The following EXOSC5 variants were observed in gnomAD, a reference collection of about 807,000 sequenced individuals.
The protein encoded by EXOSC5 is exosome component 5.
Under a neutral mutation model 23.7 loss-of-function variants are expected in EXOSC5, and 15 were observed. That is an observed-to-expected ratio of 0.63 (90% confidence interval 0.42 to 0.97). The LOEUF is 0.97. Among genes scored for constraint, EXOSC5 ranks in the 50% least tolerant of loss-of-function variants. EXOSC5 has a pLI of 0.00. For missense variants in EXOSC5, 305 were observed against 316.3 expected (o/e 0.96, Z 0.27); for synonymous variants, 143 against 140.9 (o/e 1.02, Z -0.11).
At position 41,386,729 on chromosome 19, in the gene EXOSC5, C is replaced by CG; in HGVS notation, c.616-5dup. 6 of 1,582,332 alleles carry CG rather than the reference C, an allele frequency of 3.8e-6. No homozygotes were observed. Among genetic ancestry groups the CG allele is most frequent in the Non-Finnish European group, 4.3e-6 (5 of 1,167,032 alleles). ...CCGCAGCCAGGCACTGCTGGAGCTG[C>CG]GGGGGAGAGACTGGTCGGTGCTGGG... On this transcript the variant is annotated splice_region_variant and splice_polypyrimidine_tract_variant and intron_variant, in intron 5 of 5. Coordinates refer to ENST00000221233, the MANE Select transcript of EXOSC5 (RefSeq NM_020158.4).
intron 5 of EXOSC5, 63 bp from the exon 6 acceptor site, chr19:41,386,788 A>T: frequency 6.8e-7 from 1 of 1,472,532 alleles, no homozygotes; most frequent in Non-Finnish European, 9.2e-7. Context: ...GACTTGGCTG[A>T]CCCAGGAGGT....
chr19:41,397,286 T>A lies in EXOSC5; in HGVS notation c.43A>T (p.Asn15Tyr). 6.2e-7 allele frequency: 1 copy of A among 1,613,986 alleles called. No individual in the cohort carries two copies. The highest frequency in any genetic ancestry group is 8.5e-7 in the Non-Finnish European group (1 of 1,179,864). ...THTDAKIRAE[N>Y]GTGSSPRGPG... Reference sequence around the variant, plus strand: ...CCCCGAGGGCTGGACCCTGTTCCATTTTCAGCACGGATTTTGGCGTCAGTA... The same window carrying A: ...CCCCGAGGGCTGGACCCTGTTCCATATTCAGCACGGATTTTGGCGTCAGTA... The change falls in exon 1 of 6, where the codon AAT (asparagine) becomes TAT (tyrosine). Residue 15 changes from asparagine to tyrosine, a missense_variant. Coordinates refer to ENST00000221233, the MANE Select transcript of EXOSC5 (RefSeq NM_020158.4).
chr19:41,397,216 A>G lies in EXOSC5; in HGVS notation c.113T>C (p.Leu38Pro), dbSNP rs2039077030. The change falls in exon 1 of 6, where the codon CTG becomes CCG. Residue 38 changes from leucine (L) to proline (P), a missense_variant. Leu to Pro is a moderately conservative substitution (Grantham distance 98). Transcript: ENST00000221233. ...GGAAGCAGAGCCATCTGGCCGCGAC[A>G]GCAGGTTCTGTTCGCAGGCAAAGTG... ...LRHFACEQNL[L>P]SRPDGSASFL... The G allele has an allele frequency of 1.9e-6, 3 of 1,614,232 alleles. No homozygotes were observed. Among genetic ancestry groups the G allele is most frequent in the Non-Finnish European group, 2.5e-6 (3 of 1,180,008 alleles).
Position 41,389,904 on chromosome 19 carries a change from A to G in EXOSC5, c.386T>C (p.Leu129Pro). Residue 129 changes from leucine to proline, a missense_variant and splice_region_variant, in exon 4 of 6, where the codon CTC becomes CCC. Leu to Pro is a moderately conservative substitution (Grantham distance 98). Coordinates refer to ENST00000221233, the MANE Select transcript of EXOSC5 (RefSeq NM_020158.4). ...VLQVVSDAGS[L>P]LACCLNAACM... ...GGCGGCATTCAGACAACAGGCCAGG[A>G]GCTGAGCACCACAGGAAATGGTTAA... The G allele has an allele frequency of 6.3e-7, 1 of 1,589,002 alleles. No individual in the cohort carries two copies. The highest frequency in any genetic ancestry group is 1.2e-5 in the South Asian group (1 of 86,588).
At position 41,391,973 on chromosome 19, in the gene EXOSC5, T is replaced by C. The variant is rs1180027242; in HGVS notation, c.263-11A>G. 1.3e-6 allele frequency: 2 copies of C among 1,582,464 alleles called. No individual in the cohort carries two copies. The highest frequency in any genetic ancestry group is 2.8e-5 in the African/African-American group (2 of 72,624). On this transcript the variant is annotated splice_polypyrimidine_tract_variant and intron_variant, in intron 2 of 5. Coordinates refer to ENST00000221233, the MANE Select transcript of EXOSC5 (RefSeq NM_020158.4). ...TCTTCTCTGCAACACCTGGGGAAAT[T>C]GAAGAGAGGTTCAGGGTCTTCCCCT...
chr19:41,394,990 C>T (rs1239917899), intron 1 of EXOSC5, among the ~76,000 whole-genome samples: 2 of 149,178 alleles, frequency 1.3e-5, no homozygotes, highest in African/African-American at 2.5e-5. Context: ...GCCACGATCA[C>T]TTCACTGCAC....
In EXOSC5 at chr19:41,389,892, C is replaced by G. The variant is rs986364750; in HGVS notation, c.398G>C (p.Cys133Ser). 12 of 1,608,802 alleles carry G rather than the reference C, an allele frequency of 7.5e-6. No homozygotes were observed. Among genetic ancestry groups the G allele is most frequent in the Non-Finnish European group, 1.0e-5 (12 of 1,178,186 alleles). ...VSDAGSLLAC[C>S]LNAACMALVD... ...CAATGCCATGCAGGCGGCATTCAGA[C>G]AACAGGCCAGGAGCTGAGCACCACA... Residue 133 changes from cysteine to serine, a missense_variant, in exon 4 of 6, where the codon TGT becomes TCT. Physicochemically the swap from Cys to Ser is moderately radical, Grantham distance 112 (BLOSUM62 -1). Transcript: ENST00000221233.
rs773520721 is a variant in EXOSC5 at position 41,386,665 on chromosome 19, C to T, written c.676G>A (p.Glu226Lys). The change falls in exon 6 of 6, where the codon GAA becomes AAA. Residue 226 changes from glutamate to lysine, a missense_variant. Transcript: ENST00000221233. The stretch of plus-strand genomic sequence containing the variant: ...TTGGAGTAACGCCTCTGCAGCGATT[C>T]CCGGTAGAAACGGAAGACGTGTTGC... ...ASQHVFRFYRESLQRRYSKS is the reference protein window; with the variant it reads ...ASQHVFRFYRKSLQRRYSKS 1.9e-6 allele frequency: 3 copies of T among 1,601,636 alleles called. No individual in the cohort carries two copies. The highest frequency in any genetic ancestry group is 2.6e-6 in the Non-Finnish European group (3 of 1,174,376).
In EXOSC5 at chr19:41,392,967, G is replaced by A. The variant is rs2039035246; in HGVS notation, c.162C>T (p.Val54=). 3 of 1,613,146 alleles carry A rather than the reference G, an allele frequency of 1.9e-6. No individual in the cohort carries two copies. Among genetic ancestry groups the A allele is most frequent in the Non-Finnish European group, 2.5e-6 (3 of 1,179,970 alleles). The change falls in exon 2 of 6, where the codon GTC becomes GTT. Residue 54 remains valine (V), a synonymous_variant. Transcript: ENST00000221233. The stretch of plus-strand genomic sequence containing the variant: ...CGGCCGGCCCGTACACACCCGCCAG[G>A]ACAGAGGTGTCACCTGAGGAGACAG... ...SASFLQGDTS[V]LAGVYGPAEV...
intron 1 of EXOSC5, among the ~76,000 whole-genome samples, chr19:41,396,958 C>T (rs1251744268): frequency 3.3e-5 from 5 of 152,050 alleles, no homozygotes; most frequent in Non-Finnish European, 7.4e-5. Flanking sequence ...TGCCCCTCCT[C>T]TCATTCTCAG....
chr19:41,395,166 A>G (rs2039052978), intron 1 of EXOSC5, among the ~76,000 whole-genome samples: 1 of 152,164 alleles, frequency 6.6e-6, no homozygotes, highest in Non-Finnish European at 1.5e-5. Flanking sequence ...TAGGTATCTC[A>G]ATTCAGCATA....
chr19:41,397,316 T>A lies in EXOSC5; in HGVS notation c.13A>T (p.Thr5Ser), dbSNP rs1007914607. The change falls in exon 1 of 6, where the codon ACG (threonine) becomes TCG (serine). Residue 5 changes from threonine to serine, a missense_variant. Physicochemically the swap from Thr to Ser is moderately conservative, Grantham distance 58. Transcript: ENST00000221233. MEEE[T>S]HTDAKIRAEN... is the part of the protein sequence containing the mutation. Reference sequence around the variant, plus strand: ...GCACGGATTTTGGCGTCAGTATGCGTCTCCTCCTCCATCGCGCCGAGCCCA... The same window carrying A: ...GCACGGATTTTGGCGTCAGTATGCGACTCCTCCTCCATCGCGCCGAGCCCA... The A allele has an allele frequency of 1.9e-6, 3 of 1,612,722 alleles. No homozygotes were observed. Among genetic ancestry groups the A allele is most frequent in the Non-Finnish European group, 2.5e-6 (3 of 1,179,068 alleles).
chr19:41,392,891 G>C lies in EXOSC5; in HGVS notation c.238C>G (p.Leu80Val). ...CCAGGCAGCCCAATCTTCGGCCTCA[G>C]GATCACTTCGAGTGTGGCCTTGTTG... Reference protein sequence around the residue: ...IFNKATLEVILRPKIGLPGVA... With the variant: ...IFNKATLEVIVRPKIGLPGVA... Residue 80 changes from leucine (L) to valine (V), a missense_variant, in exon 2 of 6, where the codon CTG (leucine) becomes GTG (valine). By Grantham distance (32) the Leu-to-Val change is conservative (BLOSUM62 1). Transcript: ENST00000221233. 6.2e-7 allele frequency: 1 copy of C among 1,613,936 alleles called. No homozygotes were observed. Among genetic ancestry groups the C allele is most frequent in the African/African-American group, 1.3e-5 (1 of 75,032 alleles).
rs1209180076 is a variant in EXOSC5, at chr19:41,386,520, C to G, written c.*113G>C. 1 of 1,044,786 alleles carries G rather than the reference C, an allele frequency of 9.6e-7. No homozygotes were observed. The highest frequency in any genetic ancestry group is 1.6e-5 in the African/African-American group (1 of 62,934). The allele number at this position is 1,044,786 out of a possible 1,614,324, so 64.7% of individuals were successfully genotyped here. ...CAGGAGCCCTGTGGTTACAGAGCTG[C>G]AGGCTCAAGGAGCCCATGGGTCAGA... On this transcript the variant is annotated 3_prime_UTR_variant, in exon 6 of 6. Transcript: ENST00000221233.
At chr19:41,396,938 G>C (rs1429957680) in intron 1 of EXOSC5, among the ~76,000 whole-genome samples, 2 of 152,046 alleles carry the variant, frequency 1.3e-5, no homozygotes, top group Non-Finnish European at 2.9e-5. Flanking sequence ...CAATTCTTGG[G>C]CGGACAGTCT....
intron 4 of EXOSC5, among the ~76,000 whole-genome samples, chr19:41,389,499 A>T (rs182182941): frequency 1.4e-4 from 22 of 152,274 alleles, no homozygotes; most frequent in Non-Finnish European, 2.6e-4. Context: ...TCCCGACCTC[A>T]GGTGATCCAC....
In EXOSC5 at chr19:41,397,284, A is replaced by G; in HGVS notation, c.45T>C (p.Asn15=). Residue 15 remains asparagine, a synonymous_variant, in exon 1 of 6, where the codon AAT becomes AAC. Coordinates refer to ENST00000221233, the MANE Select transcript of EXOSC5 (RefSeq NM_020158.4). The stretch of plus-strand genomic sequence containing the variant: ...GACCCCGAGGGCTGGACCCTGTTCC[A>G]TTTTCAGCACGGATTTTGGCGTCAG... The part of the protein sequence containing the change: ...THTDAKIRAE[N]GTGSSPRGPG... The G allele has an allele frequency of 6.2e-7, 1 of 1,613,890 alleles. No homozygotes were observed. Among genetic ancestry groups the G allele is most frequent in the South Asian group, 1.1e-5 (1 of 91,060 alleles).
chr19:41,388,448 G>A (rs2039000367), intron 4 of EXOSC5, among the ~76,000 whole-genome samples: 1 of 152,198 alleles, frequency 6.6e-6, no homozygotes, highest in African/African-American at 2.4e-5. Flanking sequence ...GAGGTGGGGT[G>A]GGTTCTGGAC....
intron 1 of EXOSC5, among the ~76,000 whole-genome samples, chr19:41,395,048 A>AAAAAAAAAAAAG (rs1568498077): frequency 4.6e-5 from 1 of 21,862 alleles, no homozygotes; most frequent in East Asian, 5.9e-4. Context: ...AAAAAAAAAG[A>AAAAAAAAAAAAG]AAAAAAAAAA....
Sources: allele counts gnomAD v4.1 joint callset (sites outside exome capture counted in the v4.1 genomes callset), GRCh38; gene constraint gnomAD v4.1.1; transcripts MANE v1.5; gene names NCBI Gene and HGNC (gene_info 2026-07-23, HGNC 2026-07-21).